The following DOCK2 variants were observed in gnomAD, a reference collection of about 807,000 sequenced individuals.
DOCK2 encodes the protein dedicator of cytokinesis 2.
DOCK2 carries 87 observed loss-of-function variants against 248.9 expected under a neutral mutation model. The ratio of observed to expected loss-of-function variants is 0.35; its 90% CI spans 0.29 to 0.42. The LOEUF (loss-of-function observed/expected upper bound fraction) is 0.42. DOCK2 is among the 10% of genes least tolerant of loss of function. The pLI, the probability that DOCK2 is intolerant of heterozygous loss-of-function variation, is 1.00. For missense variants in DOCK2, 1,747 were observed against 2,300.2 expected, an observed-to-expected ratio of 0.76 and a Z score of 4.92; for synonymous variants, 805 against 821.6, an observed-to-expected ratio of 0.98 and a Z score of 0.35.
rs780762229 is a variant in DOCK2, at chr5:169,699,482, G to A, written c.1132+24G>A. 2.5e-6 allele frequency: 4 copies of A among 1,600,910 alleles called. No individual in the cohort carries two copies. In the South Asian group the frequency reaches 3.3e-5, roughly 13 times the overall value. On this transcript the variant is annotated intron_variant, in intron 12 of 51. Coordinates refer to ENST00000520908, the MANE Select transcript of DOCK2 (RefSeq NM_004946.3). Reference sequence around the variant, plus strand: ...AGGTAAAGTGCCAATATGCCAGTGGGCTGAGCCTGCTCCAGCTTGGGAGCC... The same window carrying A: ...AGGTAAAGTGCCAATATGCCAGTGGACTGAGCCTGCTCCAGCTTGGGAGCC...
intron 15 of DOCK2, among the ~76,000 whole-genome samples, chr5:169,710,654 T>C (rs1186086280): frequency 1.3e-5 from 2 of 152,236 alleles, no homozygotes; most frequent in African/African-American, 4.8e-5. Context: ...CCCCGGGCTC[T>C]GACTCCAAAC....
intron 27 of DOCK2, among the ~76,000 whole-genome samples, chr5:169,842,222 C>T (rs957658597): frequency 3.3e-5 from 5 of 152,232 alleles, no homozygotes; most frequent in African/African-American, 1.2e-4. Flanking sequence ...CTGCTTTACA[C>T]AGTGGTGACA....
At chr5:169,788,879 G>A (rs921456531) in intron 25 of DOCK2, among the ~76,000 whole-genome samples, 8 of 152,108 alleles carry the variant, frequency 5.3e-5, no homozygotes, top group Admixed American at 1.3e-4. Context: ...CCATGTGCGG[G>A]TTTGTTATAT....
chr5:169,916,992 G>A (rs1032057218), intron 27 of DOCK2, among the ~76,000 whole-genome samples: 2 of 152,134 alleles, frequency 1.3e-5, no homozygotes, highest in East Asian at 1.9e-4. Flanking sequence ...GACTGAATTC[G>A]TTCATTGCAA....
chr5:169,841,374 C>T, intron 27 of DOCK2: 1 of 987,542 alleles, frequency 1.0e-6, no homozygotes, highest in Non-Finnish European at 1.2e-6. Context: ...GCCCCGTCAT[C>T]TGATTATTTT....
At chr5:169,797,210 A>G (rs1766706597) in intron 25 of DOCK2, among the ~76,000 whole-genome samples, 1 of 152,186 alleles carries the variant, frequency 6.6e-6, no homozygotes, top group South Asian at 2.1e-4. Flanking sequence ...GAAAGAACAG[A>G]CTTGTGGGGA....
intron 26 of DOCK2, among the ~76,000 whole-genome samples, chr5:169,826,385 A>G (rs1172331824): frequency 6.6e-6 from 1 of 152,142 alleles, no homozygotes; most frequent in Admixed American, 6.5e-5. Context: ...GACACAGAGA[A>G]AAACATGCTC....
intron 27 of DOCK2, among the ~76,000 whole-genome samples, chr5:169,885,480 A>G (rs1260001531): frequency 6.6e-6 from 1 of 152,196 alleles, no homozygotes. Flanking sequence ...TTCTGCTATG[A>G]CTGCAACATT....
chr5:169,900,313 C>T (rs565534400), intron 27 of DOCK2, among the ~76,000 whole-genome samples: 3 of 152,302 alleles, frequency 2.0e-5, no homozygotes, highest in African/African-American at 7.2e-5. Flanking sequence ...GCCAGGCTTT[C>T]TATGATGACT....
At chr5:169,796,496 C>G (rs1241523825) in intron 25 of DOCK2, among the ~76,000 whole-genome samples, 1 of 152,058 alleles carries the variant, frequency 6.6e-6, no homozygotes, top group Non-Finnish European at 1.5e-5. Flanking sequence ...GAACTGGTAC[C>G]TCTCAAAAAA....
At chr5:169,773,965 A>G (rs188916789) in intron 25 of DOCK2, among the ~76,000 whole-genome samples, 307 of 151,662 alleles carry the variant, frequency 2.0e-3, no homozygotes, top group East Asian at 4.6e-3. Flanking sequence ...TTATTGTGAG[A>G]CCTCCCTAGC....
At chr5:170,082,170 C>T (rs1374254001) in intron 51 of DOCK2, among the ~76,000 whole-genome samples, 186 bp downstream of exon 51, 3 of 152,134 alleles carry the variant, frequency 2.0e-5, no homozygotes, top group Admixed American at 6.5e-5. Context: ...CCTCTGGGGC[C>T]TCAGGCAGCT....
chr5:169,891,620 A>G (rs1236327595), intron 27 of DOCK2, among the ~76,000 whole-genome samples: 3 of 152,088 alleles, frequency 2.0e-5, no homozygotes, highest in Non-Finnish European at 4.4e-5. Flanking sequence ...CCACGAAGAC[A>G]ACCCCCCTCA....
At chr5:169,740,801 AG>A (rs1278270770) in intron 22 of DOCK2, among the ~76,000 whole-genome samples, 1 of 152,160 alleles carries the variant, frequency 6.6e-6, no homozygotes, top group African/African-American at 2.4e-5. Flanking sequence ...TACCCTTTAG[AG>A]GAGAATTTCT....
At chr5:170,078,920 C>T in intron 48 of DOCK2, 55 bp from the exon 49 acceptor site, 1 of 1,599,232 alleles carries the variant, frequency 6.3e-7, no homozygotes, top group East Asian at 2.2e-5. Context: ...CCTTGCAAGG[C>T]AGTTCTACTG....
chr5:169,839,189 C>G (rs1367808615), intron 26 of DOCK2, among the ~76,000 whole-genome samples: 1 of 152,184 alleles, frequency 6.6e-6, no homozygotes, highest in African/African-American at 2.4e-5. Flanking sequence ...CAGAGCTAAA[C>G]AGCATGTCAC....
At chr5:169,686,827 T>C (rs1003169795) in intron 8 of DOCK2, among the ~76,000 whole-genome samples, 4 of 152,218 alleles carry the variant, frequency 2.6e-5, no homozygotes, top group Non-Finnish European at 4.4e-5. Context: ...GGAAATTTAA[T>C]GTAAATTTTT....
At chr5:169,772,304 G>A (rs557644626) in intron 25 of DOCK2, among the ~76,000 whole-genome samples, 4 of 152,302 alleles carry the variant, frequency 2.6e-5, no homozygotes, top group Admixed American at 6.5e-5. Context: ...CCTTCTCTCG[G>A]CTTGCACTTT....
intron 25 of DOCK2, among the ~76,000 whole-genome samples, chr5:169,780,513 A>G (rs1184812264): frequency 3.3e-5 from 5 of 152,180 alleles, no homozygotes; most frequent in African/African-American, 9.7e-5. Flanking sequence ...TCATAAGCCA[A>G]ACAAAAGCAC....
Sources: allele counts gnomAD v4.1 joint callset (sites outside exome capture counted in the v4.1 genomes callset), GRCh38; gene constraint gnomAD v4.1.1; transcripts MANE v1.5; gene names NCBI Gene and HGNC (gene_info 2026-07-23, HGNC 2026-07-21).